ERN1: variants seen among roughly 807,000 people sequenced by gnomAD.
ERN1 encodes serine/threonine-protein kinase/endoribonuclease IRE1.
A neutral mutation model predicts 113.1 loss-of-function variants in ERN1; 39 were observed. The observed-to-expected ratio is 0.34, with a 90% confidence interval of 0.27 to 0.45. ERN1 has a LOEUF of 0.45. ERN1 is among the 20% of genes least tolerant of loss of function. The pLI is 1.00. For missense variants in ERN1, 976 were observed against 1,274.8 expected (o/e 0.77, Z 3.57); for synonymous variants, 507 against 515.9 (o/e 0.98, Z 0.23).
rs77493151 is a variant in ERN1, at chr17:64,113,029, T to C, written c.55-14788A>G. Among the ~76,000 whole-genome samples the C allele has an allele frequency of 6.5e-3, 986 of 152,312 alleles. 9 individuals are homozygous for C. The highest frequency in any genetic ancestry group is 0.023 in the African/African-American group (948 of 41,568). On this transcript the variant is annotated intron_variant, in intron 1 of 21. Transcript: ENST00000433197. ...ATCGGGCCTTAATATATTTCCACTG[T>C]GACTAGCAGGCTTTTTTCCCAAGAA...
intron 8 of ERN1, among the ~76,000 whole-genome samples, chr17:64,066,352 G>A (rs899156955): frequency 6.6e-6 from 1 of 152,012 alleles, no homozygotes; most frequent in Non-Finnish European, 1.5e-5. Flanking sequence ...TGTTGCCCAG[G>A]TTGGCCTCAA....
chr17:64,060,443 C>A, intron 11 of ERN1, 26 bp downstream of exon 11: 1 of 1,477,918 alleles, frequency 6.8e-7, no homozygotes, highest in Non-Finnish European at 9.5e-7. Context: ...CACCAACAAC[C>A]CCCGACTGGT....
chr17:64,071,067 G>A (rs1260694577), intron 6 of ERN1, among the ~76,000 whole-genome samples: 2 of 152,222 alleles, frequency 1.3e-5, no homozygotes, highest in Non-Finnish European at 2.9e-5. Flanking sequence ...CAAGTGTTAA[G>A]AAGAAAGAGG....
intron 6 of ERN1, 41 bp downstream of exon 6, chr17:64,071,940 G>A: frequency 6.5e-7 from 1 of 1,549,094 alleles, no homozygotes; most frequent in African/African-American, 1.4e-5. Context: ...CCGATCTTCT[G>A]GAAACAGGCA....
rs766760061 is a variant in ERN1 at position 64,045,473 on chromosome 17, C to T, written c.2539G>A (p.Asp847Asn). 1.9e-6 allele frequency: 3 copies of T among 1,613,924 alleles called. No individual in the cohort carries two copies. Among genetic ancestry groups the T allele is most frequent in the Admixed American group, 1.7e-5 (1 of 60,026 alleles). The change falls in exon 20 of 22, where the codon GAC becomes AAC. Residue 847 changes from aspartate (D) to asparagine (N), a missense_variant. Asp to Asn is a conservative substitution (Grantham distance 23, BLOSUM62 1). Coordinates refer to ENST00000433197, the MANE Select transcript of ERN1 (RefSeq NM_001433.5). ...TCCAGGGATTCCTTTTCTATTCTGT[C>T]GCTCACGTCCTGTGAGAGAAACAAG... The part of the protein sequence containing the change: ...KQLQFFQDVS[D>N]RIEKESLDGP...
chr17:64,054,786 C>G lies in ERN1; in HGVS notation c.1715G>C (p.Cys572Ser), dbSNP rs1462937780. ...TCCATGGCCCAGGACATCCTTGGGA[C>G]AGAAGGAAATTTTCCCAACTATCAC... ...SVVIVGKISF[C>S]PKDVLGHGAE... The change falls in exon 14 of 22, where the codon TGT (cysteine) becomes TCT (serine). Residue 572 changes from cysteine to serine, a missense_variant. Around this residue, in one of 5 missense-constraint regions of ERN1, gnomAD observed 112 missense variants for 106.2 expected, o/e 1.05. Coordinates refer to ENST00000433197, the MANE Select transcript of ERN1 (RefSeq NM_001433.5). The surrounding 1 kb of genome is among the most constrained non-coding windows in gnomAD (Gnocchi z 4.9). 3.1e-6 allele frequency: 5 copies of G among 1,610,470 alleles called. No homozygotes were observed. Among genetic ancestry groups the G allele is most frequent in the Middle Eastern group, 1.7e-4 (1 of 5,892 alleles).
chr17:64,058,802 T>TC (rs937101607), intron 11 of ERN1, among the ~76,000 whole-genome samples: 4 of 151,756 alleles, frequency 2.6e-5, no homozygotes, highest in African/African-American at 7.3e-5. Flanking sequence ...ATTTCACCCC[T>TC]CCCCCCAGAT....
At position 64,049,853 on chromosome 17, in the gene ERN1, G is replaced by T. The variant is rs1470268231; in HGVS notation, c.2254-651C>A. On this transcript the variant is annotated intron_variant, in intron 17 of 21. Transcript: ENST00000433197. This position sits in a 1 kb window ranked among gnomAD's most constrained non-coding sequence, Gnocchi z 4.7. The stretch of plus-strand genomic sequence containing the variant: ...TGTACGTTTGTGTTTTTTAGCTCAT[G>T]CTACCTGGGGTGTAATACCAAGGTG... Among the ~76,000 whole-genome samples the T allele has an allele frequency of 6.6e-6, 1 of 152,184 alleles. No individual in the cohort carries two copies. The highest frequency in any genetic ancestry group is 2.4e-5 in the African/African-American group (1 of 41,422).
At position 64,102,859 on chromosome 17, in the gene ERN1, T is replaced by C. The variant is rs191501481; in HGVS notation, c.55-4618A>G. ...CAGATCTGTTTCAAGTTAACAACCA[T>C]TTGAAATTTGATTCAGTTTTAAAAC... On this transcript the variant is annotated intron_variant, in intron 1 of 21. Transcript: ENST00000433197. 1.9e-4 allele frequency: 186 copies of C among 985,130 alleles called. No homozygotes were observed. In the African/African-American group the frequency reaches 3.0e-3, roughly 16 times the overall value. The allele number at this position is 985,130 out of a possible 1,614,324, so 61.0% of individuals were successfully genotyped here. A position where few individuals can be genotyped will look rare whatever the true frequency, so the allele number is the denominator to read the frequency against.
intron 1 of ERN1, among the ~76,000 whole-genome samples, chr17:64,128,040 C>T (rs932433096): frequency 1.3e-5 from 2 of 151,106 alleles, no homozygotes; most frequent in Non-Finnish European, 2.9e-5. Flanking sequence ...CTTGCTCTGT[C>T]ACCCAGGCTG....
Position 64,129,986 on chromosome 17 carries a change from GGCAGCAGCAGCGTCA to G in ERN1, c.29_43del (p.Leu10_Leu14del). On this transcript the variant is annotated inframe_deletion, in exon 1 of 22. Transcript: ENST00000433197. Reference sequence around the variant, plus strand: ...TCCCCGGTCACTCACCCCGAGGCCGGGCAGCAGCAGCGTCAGCAGCAGCAGCAGCCGCCGGGCCGG... The same window carrying G: ...TCCCCGGTCACTCACCCCGAGGCCGGGCAGCAGCAGCAGCCGCCGGGCCGG... The G allele has an allele frequency of 6.9e-7, 1 of 1,449,438 alleles. No individual in the cohort carries two copies. The highest frequency in any genetic ancestry group is 1.4e-5 in the South Asian group (1 of 73,886). The allele number at this position is 1,449,438 out of a possible 1,614,324, so 89.8% of individuals were successfully genotyped here.
At position 64,054,582 on chromosome 17, in the gene ERN1, C is replaced by T. The variant is rs527713943; in HGVS notation, c.1764-143G>A. 11 of 1,020,228 alleles carry T rather than the reference C, an allele frequency of 1.1e-5. No individual in the cohort carries two copies. Among genetic ancestry groups the T allele is most frequent in the Middle Eastern group, 3.2e-4 (1 of 3,126 alleles). 63.2% of individuals were successfully genotyped at this position (1,020,228 alleles called of 1,614,324 possible). ...GACTGCCTGGTGGCCCCGGAATCAT[C>T]GCTTGTCTCAGTGTGCAAGCTCCCT... is the stretch of plus-strand genomic sequence containing the variant. On this transcript the variant is annotated intron_variant, in intron 14 of 21. Coordinates refer to ENST00000433197, the MANE Select transcript of ERN1 (RefSeq NM_001433.5). This position sits in a 1 kb window ranked among gnomAD's most constrained non-coding sequence, Gnocchi z 4.9.
At chr17:64,073,710 C>G (rs1444054777) in intron 5 of ERN1, among the ~76,000 whole-genome samples, 12 of 152,156 alleles carry the variant, frequency 7.9e-5, no homozygotes, top group Non-Finnish European at 1.8e-4. Context: ...CCAGGATGGT[C>G]TCGATCTCCT....
intron 1 of ERN1, among the ~76,000 whole-genome samples, chr17:64,099,542 G>A (rs1349332975): frequency 3.3e-5 from 5 of 151,768 alleles, no homozygotes; most frequent in Admixed American, 3.3e-4. Flanking sequence ...AAAAAAAAAT[G>A]CCAATGCAAC....
intron 1 of ERN1, among the ~76,000 whole-genome samples, chr17:64,128,432 C>G (rs1915140451): frequency 6.6e-6 from 1 of 152,176 alleles, no homozygotes. Context: ...TTTACACGAA[C>G]TGAAACTATA....
chr17:64,121,382 C>A (rs1448303243), intron 1 of ERN1, among the ~76,000 whole-genome samples: 2 of 152,204 alleles, frequency 1.3e-5, no homozygotes, highest in Admixed American at 6.5e-5. Context: ...CAGTTTTGTT[C>A]TTTCAGACAT....
At chr17:64,088,492 C>CT (rs1913995753) in intron 2 of ERN1, among the ~76,000 whole-genome samples, 1 of 152,156 alleles carries the variant, frequency 6.6e-6, no homozygotes, top group African/African-American at 2.4e-5. Flanking sequence ...GTCTCAAATG[C>CT]TTTATAGTCT....
intron 20 of ERN1, 98 bp from the exon 21 acceptor site, chr17:64,045,025 C>T: frequency 1.1e-6 from 1 of 926,572 alleles, no homozygotes; most frequent in South Asian, 1.4e-5. Context: ...GGGAGTTGGA[C>T]TGAAAGGTGA....
At chr17:64,091,019 A>G (rs1914073308) in intron 2 of ERN1, among the ~76,000 whole-genome samples, 1 of 152,248 alleles carries the variant, frequency 6.6e-6, no homozygotes, top group African/African-American at 2.4e-5. Context: ...CACAACAATG[A>G]AGAGGAAATA....
Sources: allele counts gnomAD v4.1 joint callset (sites outside exome capture counted in the v4.1 genomes callset), GRCh38; gene constraint gnomAD v4.1.1; regional missense constraint gnomAD v4.1.1; non-coding constraint Gnocchi (gnomAD v3.1); transcripts MANE v1.5; gene names NCBI Gene and HGNC (gene_info 2026-07-23, HGNC 2026-07-21).